Variants in DLG2 observed in about 807,000 individuals in gnomAD.
The protein encoded by DLG2 is disks large homolog 2.
A neutral mutation model predicts 132.5 loss-of-function variants in DLG2; 45 were observed. The observed-to-expected ratio is 0.34, with a 90% CI of 0.27 to 0.44. The LOEUF (loss-of-function observed/expected upper bound fraction) is 0.44, where lower values mean the gene tolerates loss of function less well. Ranked by LOEUF, DLG2 falls within the 20% of genes least tolerant of loss-of-function variation. The pLI, the probability that DLG2 is intolerant of heterozygous loss-of-function variation, is 1.00. For missense variants in DLG2, 1,045 were observed against 1,196.9 expected, an observed-to-expected ratio of 0.87 and a Z score of 1.87; for synonymous variants, 424 against 419.6, an observed-to-expected ratio of 1.01 and a Z score of -0.13.
chr11:85,275,921 A>C (rs499474), intron 4 of DLG2, among the ~76,000 whole-genome samples: 112,457 of 151,774 alleles, frequency 0.74, 42,169 homozygotes, highest in Non-Finnish European at 0.82. Context: ...GAAAAAAAAA[A>C]ATGCTTACTG....
intron 3 of DLG2, among the ~76,000 whole-genome samples, chr11:85,510,858 C>T (rs990195839): frequency 6.6e-6 from 1 of 152,100 alleles, no homozygotes; most frequent in Non-Finnish European, 1.5e-5. Flanking sequence ...TTGACCCAGC[C>T]ATCCCATTAC....
chr11:84,058,743 T>G (rs1275002538), intron 11 of DLG2, among the ~76,000 whole-genome samples: 3 of 151,356 alleles, frequency 2.0e-5, no homozygotes, highest in African/African-American at 7.3e-5. Context: ...TGGTAATTCA[T>G]CTGTTTCTGC....
chr11:85,528,194 T>A (rs556935670), intron 3 of DLG2, among the ~76,000 whole-genome samples: 1 of 152,356 alleles, frequency 6.6e-6, no homozygotes, highest in East Asian at 1.9e-4. Flanking sequence ...TTTAATTAGA[T>A]CCCATTTGTC....
chr11:83,946,743 G>A (rs1411808479), intron 14 of DLG2, among the ~76,000 whole-genome samples: 4 of 151,982 alleles, frequency 2.6e-5, no homozygotes, highest in African/African-American at 2.4e-5. Context: ...ATACACACAC[G>A]TGCACATACA....
intron 6 of DLG2, among the ~76,000 whole-genome samples, chr11:84,757,531 T>C (rs1268696742): frequency 6.6e-6 from 1 of 152,194 alleles, no homozygotes; most frequent in Non-Finnish European, 1.5e-5. Flanking sequence ...TGCCTGAGGC[T>C]GACCAACTCC....
chr11:83,955,864 T>C (rs544216816), intron 14 of DLG2, among the ~76,000 whole-genome samples: 3 of 152,308 alleles, frequency 2.0e-5, no homozygotes, highest in East Asian at 3.9e-4. Context: ...GCTTTGGGAC[T>C]CTTGGACCTT....
intron 6 of DLG2, among the ~76,000 whole-genome samples, chr11:84,833,390 TG>T (rs1056803264): frequency 6.6e-6 from 1 of 151,598 alleles, no homozygotes; most frequent in African/African-American, 2.4e-5. Flanking sequence ...GAATGAAAAC[TG>T]GTTTTTATCT....
chr11:85,209,527 A>C (rs2082118725), intron 4 of DLG2, among the ~76,000 whole-genome samples: 1 of 133,900 alleles, frequency 7.5e-6, no homozygotes, highest in Non-Finnish European at 1.5e-5. Flanking sequence ...TCCCAGGTTC[A>C]AGCAATTCTC....
chr11:84,579,692 G>A (rs1366028013), intron 6 of DLG2, among the ~76,000 whole-genome samples: 1 of 152,180 alleles, frequency 6.6e-6, no homozygotes, highest in Non-Finnish European at 1.5e-5. Context: ...ATGCTGAGGA[G>A]TTTAGAGTAC....
intron 8 of DLG2, among the ~76,000 whole-genome samples, chr11:84,170,222 T>C (rs115683502): frequency 1.2e-4 from 19 of 152,348 alleles, no homozygotes; most frequent in African/African-American, 4.3e-4. Flanking sequence ...AGCTGCCCTT[T>C]CCTGTGAAAT....
chr11:84,759,671 T>A (rs961170541), intron 6 of DLG2, among the ~76,000 whole-genome samples: 1 of 152,200 alleles, frequency 6.6e-6, no homozygotes, highest in African/African-American at 2.4e-5. Flanking sequence ...AAAGTGGCCC[T>A]AATAAAAACA....
chr11:84,709,965 C>T (rs1194574444), intron 6 of DLG2, among the ~76,000 whole-genome samples: 2 of 151,944 alleles, frequency 1.3e-5, no homozygotes, highest in Admixed American at 1.3e-4. Context: ...CTCTTGTCTT[C>T]TCATTATCTG....
At chr11:84,793,088 C>T (rs772013031) in intron 6 of DLG2, among the ~76,000 whole-genome samples, 1 of 151,884 alleles carries the variant, frequency 6.6e-6, no homozygotes, top group Non-Finnish European at 1.5e-5. Context: ...TCACTGTATC[C>T]CATAGGTTTT....
intron 6 of DLG2, among the ~76,000 whole-genome samples, chr11:85,103,150 T>C (rs534579886): frequency 6.6e-6 from 1 of 152,058 alleles, no homozygotes; most frequent in East Asian, 1.9e-4. Flanking sequence ...CATTCATGGA[T>C]CAGAAGATAT....
chr11:83,796,359 G>C (rs1361368701), intron 17 of DLG2, among the ~76,000 whole-genome samples: 1 of 152,114 alleles, frequency 6.6e-6, no homozygotes, highest in Non-Finnish European at 1.5e-5. Context: ...CCACCTCTTG[G>C]CTTCAGTTCT....
intron 11 of DLG2, among the ~76,000 whole-genome samples, chr11:84,049,888 G>C (rs1437520697): frequency 6.6e-6 from 1 of 151,696 alleles, no homozygotes. Context: ...ACTGGCTCTT[G>C]GGGGATGGAT....
intron 7 of DLG2, among the ~76,000 whole-genome samples, chr11:84,268,780 G>T (rs934847086): frequency 6.6e-6 from 1 of 152,018 alleles, no homozygotes; most frequent in African/African-American, 2.4e-5. Context: ...TTTACAGTTT[G>T]TAAAATGGAG....
chr11:84,651,133 G>A (rs554318955), intron 6 of DLG2, among the ~76,000 whole-genome samples: 3 of 151,292 alleles, frequency 2.0e-5, no homozygotes, highest in Non-Finnish European at 4.4e-5. Flanking sequence ...TCATGATACC[G>A]TTACCTTCCA....
chr11:84,896,754 A>G (rs1216695637), intron 6 of DLG2, among the ~76,000 whole-genome samples: 8 of 152,036 alleles, frequency 5.3e-5, no homozygotes, highest in Non-Finnish European at 1.2e-4. Context: ...TACTATGTTC[A>G]CATAATTTTT....
Sources: gnomAD v4.1 joint callset for allele counts (sites outside exome capture counted in the v4.1 genomes callset) on GRCh38, gnomAD v4.1.1 for gene constraint, MANE v1.5 for transcripts, NCBI Gene and HGNC (gene_info 2026-07-23, HGNC 2026-07-21) for gene names.